The following ANOS1 variants were observed in gnomAD, a reference collection of about 807,000 sequenced individuals.
ANOS1 encodes anosmin 1.
In ANOS1, 6 loss-of-function variants were observed where a neutral mutation model predicts 59.0. The ratio of observed to expected loss-of-function variants is 0.10; its 90% CI spans 0.06 to 0.20. The LOEUF (loss-of-function observed/expected upper bound fraction) is 0.20, where lower values mean the gene tolerates loss of function less well. Ranked by LOEUF, ANOS1 falls within the 10% of genes least tolerant of loss-of-function variation. The pLI is 1.00. For synonymous variants in ANOS1, 217 were observed against 223.4 expected (o/e 0.97, Z 0.25); for missense variants, 433 against 542.3 (o/e 0.80, Z 2.00).
At chrX:8,713,752 A>G (rs12689619) in intron 1 of ANOS1, among the ~76,000 whole-genome samples, 39,872 of 108,612 alleles carry the variant, frequency 0.37, 5,470 homozygotes, top group East Asian at 0.61. Context: ...AGCTGGGATT[A>G]CAGGCGCCCA....
chrX:8,693,145 A>G (rs761737227), intron 2 of ANOS1, among the ~76,000 whole-genome samples: 162 of 112,568 alleles, frequency 1.4e-3, no homozygotes, highest in Non-Finnish European at 2.6e-3. Flanking sequence ...AATTACATAC[A>G]ATGAAAAATA....
Position 8,619,408 on chromosome X carries a change from A to T in ANOS1, c.318+4200T>A, listed in dbSNP as rs774802304. Among the ~76,000 whole-genome samples, 29 of 111,407 alleles carry T rather than the reference A, an allele frequency of 2.6e-4. No individual in the cohort carries two copies. In the South Asian group the frequency reaches 3.4e-3, roughly 13 times the overall value. On this transcript the variant is annotated intron_variant, in intron 3 of 13. Transcript: ENST00000262648. ...ATCACAAGGTCAGGAGATGGAGACC[A>T]TCCTGGCCAACATGGTGAAACCCCG... is the stretch of plus-strand genomic sequence containing the variant.
At chrX:8,593,504 C>T (rs1930656190) in intron 4 of ANOS1, among the ~76,000 whole-genome samples, 1 of 112,082 alleles carries the variant, frequency 8.9e-6, no homozygotes, top group Non-Finnish European at 1.9e-5. Context: ...ATGTGGTTCT[C>T]CATATAGCAC....
At chrX:8,568,191 C>T (rs2146805200) in intron 8 of ANOS1, 41 bp downstream of exon 8, 14 of 1,194,351 alleles carry the variant, frequency 1.2e-5, no homozygotes, top group Non-Finnish European at 1.6e-5. Context: ...TGGCGCCCAT[C>T]ATGTCACAAT....
At chrX:8,710,137 A>C (rs1027521347) in intron 1 of ANOS1, among the ~76,000 whole-genome samples, 3 of 110,955 alleles carry the variant, frequency 2.7e-5, no homozygotes, top group Non-Finnish European at 5.7e-5. Flanking sequence ...TCACCGTGCT[A>C]GCCAGGATGG....
At chrX:8,706,527 A>T (rs759394053) in intron 1 of ANOS1, among the ~76,000 whole-genome samples, 25 of 112,237 alleles carry the variant, frequency 2.2e-4, no homozygotes, top group Non-Finnish European at 4.3e-4. Flanking sequence ...CCAAAAGTGA[A>T]GCGTATGTAA....
At chrX:8,607,198 C>T (rs1473628628) in intron 3 of ANOS1, among the ~76,000 whole-genome samples, 1 of 112,282 alleles carries the variant, frequency 8.9e-6, no homozygotes, top group East Asian at 2.8e-4. Flanking sequence ...CATCTAAACA[C>T]TAGGCATGAA....
intron 4 of ANOS1, 85 bp from the exon 5 acceptor site, chrX:8,588,063 T>C (rs1215305758): frequency 8.2e-5 from 71 of 866,037 alleles, no homozygotes; most frequent in Non-Finnish European, 1.1e-4. Flanking sequence ...ATGGAAGAGA[T>C]GAATCTGATC....
At chrX:8,578,849 C>A (rs1478038395) in intron 6 of ANOS1, among the ~76,000 whole-genome samples, 1 of 111,165 alleles carries the variant, frequency 9.0e-6, no homozygotes, top group African/African-American at 3.3e-5. Context: ...GGCAACATAT[C>A]AAAAAAAATG....
intron 3 of ANOS1, among the ~76,000 whole-genome samples, chrX:8,614,007 A>G (rs5934461): frequency 0.38 from 42,223 of 110,821 alleles, 5,766 homozygotes; most frequent in South Asian, 0.44. Flanking sequence ...CAGAATCTGC[A>G]TTAAAGCAGA....
intron 1 of ANOS1, among the ~76,000 whole-genome samples, chrX:8,731,216 G>A (rs1057385454): frequency 7.1e-5 from 8 of 112,049 alleles, no homozygotes; most frequent in Non-Finnish European, 9.4e-5. Flanking sequence ...GAATTGAGGC[G>A]CGCACAGCCA....
In ANOS1 at chrX:8,534,318, C is replaced by G; in HGVS notation, c.1984+1G>C. 1 of 1,211,554 alleles carries G rather than the reference C, an allele frequency of 8.3e-7. No individual in the cohort carries two copies. Among genetic ancestry groups the G allele is most frequent in the Non-Finnish European group, 1.1e-6 (1 of 895,202 alleles). On this transcript the variant is annotated splice_donor_variant, in intron 13 of 13. Transcript: ENST00000262648. LOFTEE classifies it high-confidence loss of function. ...GCTTAATGCCCTGGCACCCCACTCA[C>G]TGTGTGCTGAAGAGGGTGGGAGCTC...
chrX:8,730,979 TGGAGCCAAGCGCGCGGCTCCC>T (rs1193870792), intron 1 of ANOS1, among the ~76,000 whole-genome samples: 1 of 111,867 alleles, frequency 8.9e-6, no homozygotes, highest in Non-Finnish European at 1.9e-5. Flanking sequence ...GGCAACCCGC[TGGAGCCAAGCGCGCGGCTCCC>T]GGAGCCTCCC....
At chrX:8,721,221 C>T (rs1444182917) in intron 1 of ANOS1, among the ~76,000 whole-genome samples, 2 of 111,502 alleles carry the variant, frequency 1.8e-5, no homozygotes, top group Admixed American at 1.9e-4. Context: ...GTCCTAGTTC[C>T]CTTACAACTG....
intron 1 of ANOS1, among the ~76,000 whole-genome samples, chrX:8,727,605 A>G (rs59659142): frequency 0.033 from 3,708 of 112,069 alleles, 173 homozygotes; most frequent in African/African-American, 0.11. Context: ...TTTCCAGAGG[A>G]CCTGTGCCAG....
chrX:8,664,316 GA>G (rs1205938983), intron 2 of ANOS1, among the ~76,000 whole-genome samples: 1 of 110,754 alleles, frequency 9.0e-6, no homozygotes, highest in East Asian at 2.9e-4. Context: ...TCAGCCTCCC[GA>G]GTAGCTGGGA....
At chrX:8,671,632 T>C (rs946445175) in intron 2 of ANOS1, among the ~76,000 whole-genome samples, 15 of 107,515 alleles carry the variant, frequency 1.4e-4, no homozygotes, top group African/African-American at 5.0e-4. Flanking sequence ...ATATATACTA[T>C]ATATATAGTA....
chrX:8,677,016 C>G (rs957155291), intron 2 of ANOS1, among the ~76,000 whole-genome samples: 11 of 111,958 alleles, frequency 9.8e-5, no homozygotes, highest in Non-Finnish European at 1.7e-4. Flanking sequence ...ACCACACTGC[C>G]TGATAGAACC....
chrX:8,594,697 T>TATATATACAC (rs1247233512), intron 4 of ANOS1, among the ~76,000 whole-genome samples: 8 of 18,551 alleles, frequency 4.3e-4, no homozygotes, highest in South Asian at 2.9e-3. Flanking sequence ...TATATATATA[T>TATATATACAC]ACACATATAT....
Sources: gnomAD v4.1 joint callset for allele counts (sites outside exome capture counted in the v4.1 genomes callset) on GRCh38, gnomAD v4.1.1 for gene constraint, MANE v1.5 for transcripts, NCBI Gene and HGNC (gene_info 2026-07-23, HGNC 2026-07-21) for gene names.